ZNF804A: variants seen among roughly 807,000 people sequenced by gnomAD.
The protein encoded by ZNF804A is zinc finger protein 804A.
ZNF804A carries 2 observed loss-of-function variants against 16.5 expected under a neutral mutation model. That is an observed-to-expected ratio of 0.12 (90% confidence interval 0.05 to 0.38). ZNF804A has a LOEUF of 0.38. ZNF804A is among the 10% of genes least tolerant of loss of function. The pLI is 0.99. For synonymous variants in ZNF804A, 534 were observed against 489.6 expected (o/e 1.09, Z -1.20); for missense variants, 1,473 against 1,390.7 (o/e 1.06, Z -0.94).
intron 1 of ZNF804A, among the ~76,000 whole-genome samples, chr2:184,734,544 C>T (rs1483879433): frequency 1.3e-5 from 2 of 151,984 alleles, no homozygotes; most frequent in African/African-American, 4.8e-5. Flanking sequence ...TATATGATTC[C>T]TCTTATTTTA....
At chr2:184,606,840 C>CAT (rs982990813) in intron 1 of ZNF804A, among the ~76,000 whole-genome samples, 2 of 151,800 alleles carry the variant, frequency 1.3e-5, no homozygotes, top group African/African-American at 4.8e-5. Context: ...TCTACACACA[C>CAT]ACACACACAC....
intron 1 of ZNF804A, among the ~76,000 whole-genome samples, chr2:184,855,557 G>C (rs1225179845): frequency 6.6e-6 from 1 of 151,674 alleles, no homozygotes; most frequent in East Asian, 1.9e-4. Context: ...TCAATGAAGA[G>C]TATATATAGA....
chr2:184,788,215 A>T (rs138950930), intron 1 of ZNF804A, among the ~76,000 whole-genome samples: 2 of 152,048 alleles, frequency 1.3e-5, no homozygotes, highest in African/African-American at 4.8e-5. Context: ...TTTTTGTACC[A>T]GTACCACGCT....
chr2:184,629,582 C>A (rs750911962), intron 1 of ZNF804A, among the ~76,000 whole-genome samples: 8 of 151,978 alleles, frequency 5.3e-5, no homozygotes. Context: ...ATAAACACTT[C>A]AAAGTAAAAT....
chr2:184,651,954 G>T (rs757895972), intron 1 of ZNF804A, among the ~76,000 whole-genome samples: 11 of 151,998 alleles, frequency 7.2e-5, no homozygotes, highest in Non-Finnish European at 1.5e-4. Flanking sequence ...ATATCCAAAA[G>T]AAAAGTTGTT....
intron 1 of ZNF804A, among the ~76,000 whole-genome samples, chr2:184,865,171 C>T (rs1051357155): frequency 2.6e-5 from 4 of 151,896 alleles, no homozygotes; most frequent in South Asian, 2.1e-4. Context: ...TGAGCCACGG[C>T]GCCAGGCCTA....
Position 184,777,054 on chromosome 2 carries a change from T to C in ZNF804A, c.112-89315T>C, listed in dbSNP as rs149596891. Among the ~76,000 whole-genome samples the C allele has an allele frequency of 4.1e-3, 622 of 151,708 alleles. 17 individuals are homozygous for C. Among genetic ancestry groups the C allele is most frequent in the Non-Finnish European group, 9.0e-4 (61 of 67,708 alleles). ...AGAGCAGAGAACTTCTTGAATCTAA[T>C]GATTATTCCAGCACACCCTCAGAAA... On this transcript the variant is annotated intron_variant, in intron 1 of 3. Coordinates refer to ENST00000302277, the MANE Select transcript of ZNF804A (RefSeq NM_194250.2).
At chr2:184,913,384 A>T (rs1015356262) in intron 2 of ZNF804A, among the ~76,000 whole-genome samples, 1 of 152,118 alleles carries the variant, frequency 6.6e-6, no homozygotes, top group Non-Finnish European at 1.5e-5. Flanking sequence ...TATGACTTCA[A>T]GTTATTCTCT....
chr2:184,772,278 A>T (rs1694227830), intron 1 of ZNF804A, among the ~76,000 whole-genome samples: 1 of 151,642 alleles, frequency 6.6e-6, no homozygotes, highest in African/African-American at 2.4e-5. Flanking sequence ...AAAAAAAAAA[A>T]AACAATAGCA....
intron 1 of ZNF804A, among the ~76,000 whole-genome samples, chr2:184,865,177 G>A (rs999610164): frequency 2.0e-5 from 3 of 152,014 alleles, no homozygotes; most frequent in African/African-American, 7.2e-5. Flanking sequence ...ACGGCGCCAG[G>A]CCTAGTTATT....
chr2:184,610,043 T>C (rs406498), intron 1 of ZNF804A, among the ~76,000 whole-genome samples: 4,772 of 152,220 alleles, frequency 0.031, 257 homozygotes, highest in African/African-American at 0.11. Context: ...GAGTAATTCA[T>C]TCATAGGTTG....
At chr2:184,868,963 T>A (rs899953898) in intron 2 of ZNF804A, among the ~76,000 whole-genome samples, 1 of 152,000 alleles carries the variant, frequency 6.6e-6, no homozygotes, top group Non-Finnish European at 1.5e-5. Context: ...CAGGTACAGG[T>A]TGAGTATATC....
chr2:184,612,449 T>G (rs575039484), intron 1 of ZNF804A, among the ~76,000 whole-genome samples: 3,785 of 148,656 alleles, frequency 0.025, 66 homozygotes, highest in Middle Eastern at 0.069. Context: ...TTTTTTTTTT[T>G]GGGGGGGGGA....
chr2:184,669,725 G>T (rs1692312082), intron 1 of ZNF804A, among the ~76,000 whole-genome samples: 1 of 150,802 alleles, frequency 6.6e-6, no homozygotes, highest in South Asian at 2.1e-4. Context: ...TGATCCTCCT[G>T]GATGACTTGG....
intron 1 of ZNF804A, among the ~76,000 whole-genome samples, chr2:184,642,390 T>C (rs146631938): frequency 2.2e-4 from 34 of 152,276 alleles, no homozygotes; most frequent in African/African-American, 7.9e-4. Context: ...ATGGATATGA[T>C]CTTATTTATT....
intron 2 of ZNF804A, among the ~76,000 whole-genome samples, chr2:184,867,369 CA>C (rs1695891409): frequency 6.6e-6 from 1 of 152,072 alleles, no homozygotes; most frequent in Non-Finnish European, 1.5e-5. Context: ...CATTTTTAAG[CA>C]GTTGAACCTG....
intron 1 of ZNF804A, among the ~76,000 whole-genome samples, chr2:184,766,483 T>A (rs1291382577): frequency 2.6e-5 from 4 of 151,994 alleles, no homozygotes; most frequent in Non-Finnish European, 4.4e-5. Context: ...AGAGTCTAAT[T>A]GAGGCTTCTG....
chr2:184,731,792 C>T (rs1693525946), intron 1 of ZNF804A, among the ~76,000 whole-genome samples: 1 of 151,960 alleles, frequency 6.6e-6, no homozygotes, highest in African/African-American at 2.4e-5. Flanking sequence ...CCAGGCTGAT[C>T]TCGAACTTTT....
At chr2:184,798,440 A>G (rs1694671900) in intron 1 of ZNF804A, among the ~76,000 whole-genome samples, 1 of 150,602 alleles carries the variant, frequency 6.6e-6, no homozygotes, top group Non-Finnish European at 1.5e-5. Context: ...ATATTTTCTT[A>G]TTTTTTTCTT....
Sources: allele counts gnomAD v4.1 joint callset (sites outside exome capture counted in the v4.1 genomes callset), GRCh38; gene constraint gnomAD v4.1.1; transcripts MANE v1.5; gene names NCBI Gene and HGNC (gene_info 2026-07-23, HGNC 2026-07-21).